Variants in SPN observed in about 807,000 individuals in gnomAD.
The protein encoded by SPN is leukosialin.
A neutral mutation model predicts 8.4 loss-of-function variants in SPN; 6 were observed. The ratio of observed to expected loss-of-function variants is 0.72; its 90% confidence interval spans 0.39 to 1.42. The LOEUF (loss-of-function observed/expected upper bound fraction) is 1.42. SPN is among the 40% of genes most tolerant of loss of function. The pLI, the probability that SPN is intolerant of heterozygous loss-of-function variation, is 0.02. For missense variants in SPN, 517 were observed against 530.6 expected (o/e 0.97, Z 0.25); for synonymous variants, 201 against 222.6 (o/e 0.90, Z 0.86).
rs2142283621 is a variant in SPN, at chr16:29,666,880, A to G, written c.*1949A>G. 1 of 470,862 alleles carries G rather than the reference A, an allele frequency of 2.1e-6. No homozygotes were observed. Among genetic ancestry groups the G allele is most frequent in the African/African-American group, 2.0e-5 (1 of 50,204 alleles). 29.2% of individuals were successfully genotyped at this position (470,862 alleles called of 1,614,324 possible). A position where few individuals can be genotyped will look rare whatever the true frequency, so the allele number is the denominator to read the frequency against. On this transcript the variant is annotated 3_prime_UTR_variant, in exon 2 of 2. Transcript: ENST00000652691. ...GGCAGTTGGTATTTCCCGAGGACAA[A>G]GAGGAAATTTTCAAAGAGGAAGTTG...
chr16:29,670,483 C>G lies in SPN; in HGVS notation c.*5552C>G. ...TAGTCTGGGCGACAGAGCAAGACTC[C>G]GTCTTGGAAAAAAATTTAAAAAAAG... On this transcript the variant is annotated 3_prime_UTR_variant, in exon 2 of 2. Transcript: ENST00000652691. 1 of 181,956 alleles carries G rather than the reference C, an allele frequency of 5.5e-6. No homozygotes were observed. The highest frequency in any genetic ancestry group is 9.5e-5 in the South Asian group (1 of 10,472). 11.3% of individuals were successfully genotyped at this position (181,956 alleles called of 1,614,324 possible).
At position 29,665,096 on chromosome 16, in the gene SPN, C is replaced by T. The variant is rs1966793339; in HGVS notation, c.*165C>T. The T allele has an allele frequency of 4.8e-6, 4 of 832,760 alleles. No individual in the cohort carries two copies. The East Asian group carries it at 1.3e-4, about 28-fold the overall frequency. The allele number at this position is 832,760 out of a possible 1,614,324, so 51.6% of individuals were successfully genotyped here. On this transcript the variant is annotated 3_prime_UTR_variant, in exon 2 of 2. Coordinates refer to ENST00000652691, the MANE Select transcript of SPN (RefSeq NM_003123.6). ...TTTGAGACAGAGTTTCGCTTTGTCGCCCAGGCTGGAGTGCAATGCACGATC... is the reference window on the plus strand; with the variant it reads ...TTTGAGACAGAGTTTCGCTTTGTCGTCCAGGCTGGAGTGCAATGCACGATC...
In SPN at chr16:29,666,548, A is replaced by ACGCG. The variant is rs1269932662; in HGVS notation, c.*1618_*1619insGCGC. The ACGCG allele has an allele frequency of 2.3e-4, 41 of 177,010 alleles. No individual in the cohort carries two copies. The highest frequency in any genetic ancestry group is 2.7e-3 in the Middle Eastern group (1 of 374). 11.0% of individuals were successfully genotyped at this position (177,010 alleles called of 1,614,324 possible). ...CTCACACACACACACACACACACAC[A>ACGCG]CACACGCGCGCGCGCGCGCGCTCTC... is the stretch of plus-strand genomic sequence containing the variant. On this transcript the variant is annotated 3_prime_UTR_variant, in exon 2 of 2. Coordinates refer to ENST00000652691, the MANE Select transcript of SPN (RefSeq NM_003123.6).
Position 29,666,649 on chromosome 16 carries a change from GT to G in SPN, c.*1721del, listed in dbSNP as rs1214519277. 3.2e-6 allele frequency: 1 copy of G among 313,084 alleles called. No individual in the cohort carries two copies. Among genetic ancestry groups the G allele is most frequent in the Non-Finnish European group, 6.7e-6 (1 of 148,770 alleles). The allele number at this position is 313,084 out of a possible 1,614,324, so 19.4% of individuals were successfully genotyped here. A position where few individuals can be genotyped will look rare whatever the true frequency, so the allele number is the denominator to read the frequency against. On this transcript the variant is annotated 3_prime_UTR_variant, in exon 2 of 2. Transcript: ENST00000652691. ...TCTGGCTGGCGCTTCCCCACTGCAC[GT>G]TTCCAGGTTTAGTTTGTCTGTGTCT...
Position 29,666,522 on chromosome 16 carries a change from T to TCACACA in SPN, c.*1592_*1593insACACAC, listed in dbSNP as rs1395729410. 203 of 137,682 alleles carry TCACACA rather than the reference T, an allele frequency of 1.5e-3. No individual in the cohort carries two copies. The highest frequency in any genetic ancestry group is 3.5e-3 in the African/African-American group (107 of 30,532). The allele number at this position is 137,682 out of a possible 1,614,324, so 8.5% of individuals were successfully genotyped here. On this transcript the variant is annotated 3_prime_UTR_variant, in exon 2 of 2. Transcript: ENST00000652691. The stretch of plus-strand genomic sequence containing the variant: ...TGTGCGCTCTCTCTCTCTCTCTCTC[T>TCACACA]CTCACACACACACACACACACACAC...
rs548524210 is a variant in SPN at position 29,663,590 on chromosome 16, C to T, written c.-34-105C>T. 1.3e-4 allele frequency: 161 copies of T among 1,224,306 alleles called. 2 individuals carry two copies. Among genetic ancestry groups the T allele is most frequent in the South Asian group, 3.7e-4 (24 of 65,608 alleles). The allele number at this position is 1,224,306 out of a possible 1,614,324, so 75.8% of individuals were successfully genotyped here. ...GCCAGCATGGAAAAAACCGTTAAAC[C>T]GCAGGTTGGGCCTGGCCGTTGGCAG... On this transcript the variant is annotated intron_variant, in intron 1 of 1. Transcript: ENST00000652691. This position sits in a 1 kb window ranked among gnomAD's most constrained non-coding sequence, Gnocchi z 4.3.
In SPN at chr16:29,663,696, T is replaced by A. The variant is rs374299956; in HGVS notation, c.-33T>A. On this transcript the variant is annotated splice_region_variant and 5_prime_UTR_variant, in exon 2 of 2. Transcript: ENST00000652691. This position sits in a 1 kb window ranked among gnomAD's most constrained non-coding sequence, Gnocchi z 4.3. The stretch of plus-strand genomic sequence containing the variant: ...GCTTCTCCGGCTGCCCACCTGCAGG[T>A]CCCAGCTCTTGCTCCTGCCTGTTTG... 5.6e-5 allele frequency: 85 copies of A among 1,528,422 alleles called. No homozygotes were observed. Among genetic ancestry groups the A allele is most frequent in the Non-Finnish European group, 6.9e-5 (79 of 1,141,520 alleles). 94.7% of individuals were successfully genotyped at this position (1,528,422 alleles called of 1,614,324 possible).
chr16:29,663,944 T>C lies in SPN; in HGVS notation c.216T>C (p.Asn72=), dbSNP rs766640068. The part of the protein sequence containing the change: ...TSALPPSTSI[N]EGSPLWTSIG... ...CCCTACCTCCCTCAACTTCCATCAA[T>C]GAGGGATCCCCTCTTTGGACTTCCA... is the stretch of plus-strand genomic sequence containing the variant. The change falls in exon 2 of 2, where the codon AAT becomes AAC. Residue 72 remains asparagine (N), a synonymous_variant. Transcript: ENST00000652691. This position sits in a 1 kb window ranked among gnomAD's most constrained non-coding sequence, Gnocchi z 4.3. 1.2e-6 allele frequency: 2 copies of C among 1,614,126 alleles called. No individual in the cohort carries two copies.
Position 29,663,555 on chromosome 16 carries a change from AAC to A in SPN, c.-34-138_-34-137del. ...CATCTGTTCCTCTGTCATTTCTGAT[AAC>A]AGTAAAAGCCAGCATGGAAAAAACC... On this transcript the variant is annotated intron_variant, in intron 1 of 1. Transcript: ENST00000652691. The surrounding 1 kb of genome is among the most constrained non-coding windows in gnomAD (Gnocchi z 4.3). 1 of 833,190 alleles carries A rather than the reference AAC, an allele frequency of 1.2e-6. No homozygotes were observed. The highest frequency in any genetic ancestry group is 1.9e-6 in the Non-Finnish European group (1 of 537,722). 51.6% of individuals were successfully genotyped at this position (833,190 alleles called of 1,614,324 possible).
Position 29,665,012 on chromosome 16 carries a change from C to T in SPN, c.*81C>T, listed in dbSNP as rs529215386. ...CCCTCTCACCATCCCACTGCCCCCT[C>T]GCTCCCATGTTTCCACCCGGCACCC... On this transcript the variant is annotated 3_prime_UTR_variant, in exon 2 of 2. Coordinates refer to ENST00000652691, the MANE Select transcript of SPN (RefSeq NM_003123.6). 15 of 1,266,370 alleles carry T rather than the reference C, an allele frequency of 1.2e-5. No individual in the cohort carries two copies. The highest frequency in any genetic ancestry group is 7.7e-5 in the African/African-American group (5 of 64,730). The allele number at this position is 1,266,370 out of a possible 1,614,324, so 78.4% of individuals were successfully genotyped here.
At position 29,670,793 on chromosome 16, in the gene SPN, G is replaced by C. The variant is rs1430384784; in HGVS notation, c.*5862G>C. The C allele has an allele frequency of 4.4e-6, 2 of 455,554 alleles. No individual in the cohort carries two copies. Among genetic ancestry groups the C allele is most frequent in the Non-Finnish European group, 8.8e-6 (2 of 226,696 alleles). The allele number at this position is 455,554 out of a possible 1,614,324, so 28.2% of individuals were successfully genotyped here. ...CTGATCTCCAAAGTGGTGAGTTTATGTGTGATTTTTATTTTGTTTATGCTC... is the reference window on the plus strand; with the variant it reads ...CTGATCTCCAAAGTGGTGAGTTTATCTGTGATTTTTATTTTGTTTATGCTC... On this transcript the variant is annotated 3_prime_UTR_variant, in exon 2 of 2. Coordinates refer to ENST00000652691, the MANE Select transcript of SPN (RefSeq NM_003123.6).
chr16:29,670,558 T>G lies in SPN; in HGVS notation c.*5627T>G. The G allele has an allele frequency of 4.0e-6, 1 of 249,476 alleles. No homozygotes were observed. Among genetic ancestry groups the G allele is most frequent in the Non-Finnish European group, 8.1e-6 (1 of 123,352 alleles). 15.5% of individuals were successfully genotyped at this position (249,476 alleles called of 1,614,324 possible). ...TAAATATATTAGTTATGAAAATAAT[T>G]GTAAATGGCTTATTGAACTTATAGT... On this transcript the variant is annotated 3_prime_UTR_variant, in exon 2 of 2. Transcript: ENST00000652691.
chr16:29,664,336 C>T lies in SPN; in HGVS notation c.608C>T (p.Pro203Leu), dbSNP rs1225945354. The T allele has an allele frequency of 1.1e-5, 18 of 1,613,390 alleles. No individual in the cohort carries two copies. Among genetic ancestry groups the T allele is most frequent in the Non-Finnish European group, 1.3e-5 (15 of 1,180,022 alleles). ...SLETSTGTTG[P>L]PVTMTTGSLE... is the part of the protein sequence containing the mutation. Reference sequence around the variant, plus strand: ...GAGACCTCCACTGGGACCACTGGACCCCCTGTTACCATGACAACTGGCTCT... The same window carrying T: ...GAGACCTCCACTGGGACCACTGGACTCCCTGTTACCATGACAACTGGCTCT... Residue 203 changes from proline (P) to leucine (L), a missense_variant, in exon 2 of 2, where the codon CCC becomes CTC. Physicochemically the swap from Pro to Leu is moderately conservative, Grantham distance 98. Coordinates refer to ENST00000652691, the MANE Select transcript of SPN (RefSeq NM_003123.6). This position sits in a 1 kb window ranked among gnomAD's most constrained non-coding sequence, Gnocchi z 6.4.
In SPN at chr16:29,663,873, A is replaced by G. The variant is rs1966766901; in HGVS notation, c.145A>G (p.Ile49Val). The G allele has an allele frequency of 6.2e-7, 1 of 1,614,158 alleles. No individual in the cohort carries two copies. The highest frequency in any genetic ancestry group is 8.5e-7 in the Non-Finnish European group (1 of 1,180,028). Residue 49 changes from isoleucine to valine, a missense_variant, in exon 2 of 2, where the codon ATA (isoleucine) becomes GTA (valine). Physicochemically the swap from Ile to Val is conservative, Grantham distance 29. Coordinates refer to ENST00000652691, the MANE Select transcript of SPN (RefSeq NM_003123.6). This position sits in a 1 kb window ranked among gnomAD's most constrained non-coding sequence, Gnocchi z 4.3. ...PLSSKMYTTS[I>V]TSDPKADSTG... is the part of the protein sequence containing the mutation. ...GAGCTCAAAGATGTACACCACTTCA[A>G]TAACAAGTGACCCTAAGGCCGACAG...
At position 29,669,730 on chromosome 16, in the gene SPN, G is replaced by C. The variant is rs1442341724; in HGVS notation, c.*4799G>C. 1 of 161,650 alleles carries C rather than the reference G, an allele frequency of 6.2e-6. No homozygotes were observed. The highest frequency in any genetic ancestry group is 1.5e-5 in the Non-Finnish European group (1 of 67,900). The allele number at this position is 161,650 out of a possible 1,614,324, so 10.0% of individuals were successfully genotyped here. A position where few individuals can be genotyped will look rare whatever the true frequency, so the allele number is the denominator to read the frequency against. ...CCCTGTTTCAAAATACAAAAAATTA[G>C]CTGGGCGTGGTGGCGGGCACCTGTA... On this transcript the variant is annotated 3_prime_UTR_variant, in exon 2 of 2. Coordinates refer to ENST00000652691, the MANE Select transcript of SPN (RefSeq NM_003123.6).
rs1227240010 is a variant in SPN, at chr16:29,665,923, C to A, written c.*992C>A. 4 of 167,146 alleles carry A rather than the reference C, an allele frequency of 2.4e-5. No homozygotes were observed. In the South Asian group the frequency reaches 8.3e-4, roughly 35 times the overall value. The allele number at this position is 167,146 out of a possible 1,614,324, so 10.4% of individuals were successfully genotyped here. On this transcript the variant is annotated 3_prime_UTR_variant, in exon 2 of 2. Coordinates refer to ENST00000652691, the MANE Select transcript of SPN (RefSeq NM_003123.6). Reference sequence around the variant, plus strand: ...TCTCCCCAGCCATGGACAGAGGCAGCCAGAGGCCTCACGGTTTCTCCTCCG... The same window carrying A: ...TCTCCCCAGCCATGGACAGAGGCAGACAGAGGCCTCACGGTTTCTCCTCCG...
chr16:29,669,237 T>C lies in SPN; in HGVS notation c.*4306T>C, dbSNP rs1966842228. On this transcript the variant is annotated 3_prime_UTR_variant, in exon 2 of 2. Coordinates refer to ENST00000652691, the MANE Select transcript of SPN (RefSeq NM_003123.6). ...TTTTTTGAGATGGAGTTTTCACTCT[T>C]GTTACCCAGGCTGGAGTGCAATGGC... is the stretch of plus-strand genomic sequence containing the variant. 1.2e-5 allele frequency: 2 copies of C among 166,646 alleles called. No individual in the cohort carries two copies. Among genetic ancestry groups the C allele is most frequent in the African/African-American group, 4.8e-5 (2 of 41,334 alleles). The allele number at this position is 166,646 out of a possible 1,614,324, so 10.3% of individuals were successfully genotyped here.
In SPN at chr16:29,663,574, G is replaced by GA. The variant is rs757613183; in HGVS notation, c.-34-115dup. On this transcript the variant is annotated intron_variant, in intron 1 of 1. Transcript: ENST00000652691. The surrounding 1 kb of genome is among the most constrained non-coding windows in gnomAD (Gnocchi z 4.3). ...TCTGATAACAGTAAAAGCCAGCATG[G>GA]AAAAAACCGTTAAACCGCAGGTTGG... is the stretch of plus-strand genomic sequence containing the variant. 71 of 1,042,786 alleles carry GA rather than the reference G, an allele frequency of 6.8e-5. 1 individual carries two copies. In the East Asian group the frequency reaches 7.1e-4, roughly 10 times the overall value. The allele number at this position is 1,042,786 out of a possible 1,614,324, so 64.6% of individuals were successfully genotyped here. A position where few individuals can be genotyped will look rare whatever the true frequency, so the allele number is the denominator to read the frequency against.
chr16:29,664,550 C>T lies in SPN; in HGVS notation c.822C>T (p.Leu274=). Residue 274 remains leucine, a synonymous_variant, in exon 2 of 2, where the codon CTC becomes CTT. Coordinates refer to ENST00000652691, the MANE Select transcript of SPN (RefSeq NM_003123.6). The surrounding 1 kb of genome is among the most constrained non-coding windows in gnomAD (Gnocchi z 6.4). ...CGGTCATAGTCCTCGTGGCTCTGCT[C>T]CTGCTGTGGCGCCGGCGGCAGAAGC... ...LLAVIVLVAL[L]LLWRRRQKRR... is the part of the protein sequence containing the mutation. 6.2e-7 allele frequency: 1 copy of T among 1,613,666 alleles called. No individual in the cohort carries two copies. Among genetic ancestry groups the T allele is most frequent in the Non-Finnish European group, 8.5e-7 (1 of 1,179,858 alleles).
Sources: gnomAD v4.1 joint callset for allele counts on GRCh38, gnomAD v4.1.1 for gene constraint, Gnocchi (gnomAD v3.1) non-coding constraint, MANE v1.5 for transcripts, NCBI Gene and HGNC (gene_info 2026-07-23, HGNC 2026-07-21) for gene names.